Variants in ABHD12 observed in about 807,000 individuals in gnomAD.
ABHD12 encodes abhydrolase domain containing 12, lysophospholipase.
In ABHD12, 43 loss-of-function variants were observed where a neutral mutation model predicts 58.3. The observed-to-expected ratio is 0.74, with a 90% CI of 0.58 to 0.95. The LOEUF (loss-of-function observed/expected upper bound fraction) is 0.95. Ranked by LOEUF, ABHD12 falls within the 40% of genes least tolerant of loss-of-function variation. The pLI is 0.00. For missense variants in ABHD12, 539 were observed against 537.2 expected, an observed-to-expected ratio of 1.00 and a Z score of -0.03; for synonymous variants, 219 against 211.2, an observed-to-expected ratio of 1.04 and a Z score of -0.32.
chr20:25,371,679 C>T (rs2089901856), intron 1 of ABHD12, among the ~76,000 whole-genome samples: 1 of 152,180 alleles, frequency 6.6e-6, no homozygotes, highest in Non-Finnish European at 1.5e-5. Context: ...ACAAAGTTAG[C>T]TTCATGCCAG....
At chr20:25,344,017 A>G (rs1351503711) in intron 1 of ABHD12, among the ~76,000 whole-genome samples, 1 of 152,174 alleles carries the variant, frequency 6.6e-6, no homozygotes, top group Non-Finnish European at 1.5e-5. Context: ...AAAAAGAAAA[A>G]TCACATGATC....
At chr20:25,375,579 G>A (rs542530352) in intron 1 of ABHD12, among the ~76,000 whole-genome samples, 1 of 152,240 alleles carries the variant, frequency 6.6e-6, no homozygotes, top group South Asian at 2.1e-4. Flanking sequence ...ACAACCCTGG[G>A]AGTCCACGTG....
intron 2 of ABHD12, among the ~76,000 whole-genome samples, chr20:25,336,698 T>C (rs1013651395): frequency 1.3e-5 from 2 of 152,194 alleles, no homozygotes; most frequent in Non-Finnish European, 2.9e-5. Flanking sequence ...ACAAGCTCCA[T>C]GCTGCTCCTC....
intron 1 of ABHD12, among the ~76,000 whole-genome samples, chr20:25,355,809 A>G (rs2482932): frequency 0.62 from 93,910 of 152,074 alleles, 30,572 homozygotes; most frequent in African/African-American, 0.79. Flanking sequence ...CACCGGCCTC[A>G]GCCTCCCAAA....
chr20:25,320,001 C>T (rs1162294651), intron 4 of ABHD12, among the ~76,000 whole-genome samples, 198 bp downstream of exon 4: 2 of 152,234 alleles, frequency 1.3e-5, no homozygotes, highest in African/African-American at 4.8e-5. Flanking sequence ...ACCTAAACTC[C>T]GCCTTCCCTC....
intron 1 of ABHD12, among the ~76,000 whole-genome samples, chr20:25,361,202 C>T (rs1327554192): frequency 6.6e-6 from 1 of 152,198 alleles, no homozygotes; most frequent in Non-Finnish European, 1.5e-5. Context: ...CACTCAGGCC[C>T]CTGCACTCTG....
intron 1 of ABHD12, among the ~76,000 whole-genome samples, chr20:25,365,457 G>T (rs2146095578): frequency 6.6e-6 from 1 of 152,136 alleles, no homozygotes; most frequent in Admixed American, 6.5e-5. Context: ...CTCCTAACTG[G>T]GTTGGCATAA....
intron 1 of ABHD12, among the ~76,000 whole-genome samples, chr20:25,387,176 T>C (rs2090102184): frequency 6.6e-6 from 1 of 152,170 alleles, no homozygotes; most frequent in African/African-American, 2.4e-5. Context: ...GCAAAAACAC[T>C]AACAGCATTC....
At chr20:25,326,198 GGGAAAGAAA>G (rs760995118) in intron 2 of ABHD12, among the ~76,000 whole-genome samples, 30 of 151,434 alleles carry the variant, frequency 2.0e-4, no homozygotes, top group East Asian at 3.9e-4. Flanking sequence ...AGTGGGGGGA[GGGAAAGAAA>G]GGAAAGAAAG....
chr20:25,305,199 G>A (rs2474780), intron 10 of ABHD12, among the ~76,000 whole-genome samples: 86,733 of 152,102 alleles, frequency 0.57, 26,217 homozygotes, highest in East Asian at 0.98. Flanking sequence ...CAAAACAGTA[G>A]TATTTACAAA....
chr20:25,313,813 C>T (rs1056054439), intron 6 of ABHD12, among the ~76,000 whole-genome samples: 1 of 130,244 alleles, frequency 7.7e-6, no homozygotes, highest in Non-Finnish European at 1.7e-5. Context: ...CAAAACAAAC[C>T]AGTCGCTCAT....
chr20:25,339,477 C>A, intron 1 of ABHD12, 126 bp from the exon 2 acceptor site: 1 of 1,471,226 alleles, frequency 6.8e-7, no homozygotes, highest in Non-Finnish European at 9.4e-7. Context: ...AGGATACTGC[C>A]AATAATAAAA....
At chr20:25,365,829 G>A (rs2089812883) in intron 1 of ABHD12, among the ~76,000 whole-genome samples, 1 of 152,114 alleles carries the variant, frequency 6.6e-6, no homozygotes, top group African/African-American at 2.4e-5. Context: ...TGGGAGGATT[G>A]CTTGAGGCCA....
chr20:25,298,627 A>C (rs1036467205), downstream of ABHD12, among the ~76,000 whole-genome samples: 1 of 152,230 alleles, frequency 6.6e-6, no homozygotes, highest in Admixed American at 6.5e-5. Context: ...TCTGGGGATA[A>C]GAAACACACA....
chr20:25,308,234 CT>C (rs1327443017), intron 8 of ABHD12, among the ~76,000 whole-genome samples, 189 bp from the exon 9 acceptor site: 1 of 152,214 alleles, frequency 6.6e-6, no homozygotes. Context: ...CTGGTCACTC[CT>C]AAAAAGCAGA....
downstream of ABHD12, among the ~76,000 whole-genome samples, chr20:25,299,445 A>G (rs2088599309): frequency 6.6e-6 from 1 of 151,992 alleles, no homozygotes; most frequent in Admixed American, 6.6e-5. Context: ...GTTTGTATCT[A>G]TCTTGCCTCA....
intron 5 of ABHD12, 116 bp downstream of exon 5, chr20:25,316,932 A>G: frequency 1.0e-6 from 1 of 965,294 alleles, no homozygotes; most frequent in East Asian, 2.5e-5. Context: ...CCTGTCTCAC[A>G]CACACAAACA....
chr20:25,334,145 G>A (rs1183089089), intron 2 of ABHD12, among the ~76,000 whole-genome samples: 2 of 151,116 alleles, frequency 1.3e-5, no homozygotes, highest in Admixed American at 6.6e-5. Context: ...AAAATCACAA[G>A]CATTCTTATA....
chr20:25,388,997 G>A (rs761393455), intron 1 of ABHD12, among the ~76,000 whole-genome samples: 6 of 151,686 alleles, frequency 4.0e-5, no homozygotes, highest in Non-Finnish European at 5.9e-5. Context: ...GTACAGACGG[G>A]GTTTCTCCAT....
Sources: gnomAD v4.1 joint callset for allele counts (sites outside exome capture counted in the v4.1 genomes callset) on GRCh38, gnomAD v4.1.1 for gene constraint, MANE v1.5 for transcripts, NCBI Gene and HGNC (gene_info 2026-07-23, HGNC 2026-07-21) for gene names.